The following ZNF518A variants were observed in gnomAD, a reference collection of about 807,000 sequenced individuals.
ZNF518A encodes the protein zinc finger protein 518.
In ZNF518A, 47 loss-of-function variants were observed where a neutral mutation model predicts 102.7. That is an observed-to-expected ratio of 0.46 (90% CI 0.36 to 0.58). The LOEUF is 0.58. Among genes scored for constraint, ZNF518A ranks in the 20% least tolerant of loss-of-function variants. The pLI is 0.00. For synonymous variants in ZNF518A, 652 were observed against 594.6 expected (o/e 1.10, Z -1.40); for missense variants, 1,793 against 1,699.8 (o/e 1.05, Z -0.96).
At chr10:96,131,144 TAAG>T (rs2081316717) in intron 1 of ZNF518A, among the ~76,000 whole-genome samples, 1 of 152,212 alleles carries the variant, frequency 6.6e-6, no homozygotes, top group African/African-American at 2.4e-5. Context: ...AAGGAATTCA[TAAG>T]AATGTTGGAA....
Position 96,160,602 on chromosome 10 carries a change from A to G in ZNF518A, c.4280A>G (p.Lys1427Arg), listed in dbSNP as rs1554887475. Residue 1427 changes from lysine (K) to arginine (R), a missense_variant, in exon 6 of 6, where the codon AAA becomes AGA. Physicochemically the swap from Lys to Arg is conservative, Grantham distance 26. Transcript: ENST00000316045. ...AGATTTGTGCTAAAATTAACACTCA[A>G]AAAGACAAGCAAAAACAATTACCAG... Reference protein sequence around the residue: ...KERFVLKLTLKKTSKNNYQIV... With the variant: ...KERFVLKLTLRKTSKNNYQIV... The G allele has an allele frequency of 1.2e-6, 2 of 1,612,638 alleles. No homozygotes were observed. Among genetic ancestry groups the G allele is most frequent in the South Asian group, 1.1e-5 (1 of 90,728 alleles).
intron 3 of ZNF518A, among the ~76,000 whole-genome samples, chr10:96,145,164 G>A (rs1285932604): frequency 3.3e-5 from 5 of 152,014 alleles, no homozygotes; most frequent in Admixed American, 6.6e-5. Context: ...CCACCTCCTG[G>A]GTTCAAGCGA....
chr10:96,197,338 T>C (rs2083492678), intron 1 of ZNF518A, among the ~76,000 whole-genome samples: 1 of 152,170 alleles, frequency 6.6e-6, no homozygotes. Context: ...ACAGTCTCAC[T>C]TTGTTGCCCA....
chr10:96,182,390 G>A (rs1464443948), intron 1 of ZNF518A, among the ~76,000 whole-genome samples: 2 of 152,322 alleles, frequency 1.3e-5, no homozygotes, highest in Middle Eastern at 3.4e-3. Context: ...GTGAGAAAGA[G>A]GGCATCCCTG....
intron 1 of ZNF518A, among the ~76,000 whole-genome samples, chr10:96,185,422 G>A (rs1005689952): frequency 2.0e-5 from 3 of 152,210 alleles, no homozygotes; most frequent in South Asian, 2.1e-4. Context: ...TTTCTGCTCT[G>A]GTTTCTCCCC....
At chr10:96,146,452 A>G (rs587607601) in intron 3 of ZNF518A, among the ~76,000 whole-genome samples, 3 of 152,160 alleles carry the variant, frequency 2.0e-5, no homozygotes, top group African/African-American at 7.2e-5. Context: ...AACACTAGGT[A>G]TTAGAAATAT....
chr10:96,182,088 T>C (rs2083243732), intron 1 of ZNF518A, among the ~76,000 whole-genome samples: 2 of 152,220 alleles, frequency 1.3e-5, no homozygotes, highest in African/African-American at 4.8e-5. Context: ...TATTTTCTTC[T>C]CTTTGAAGCA....
intron 1 of ZNF518A, among the ~76,000 whole-genome samples, chr10:96,176,538 G>C (rs1459806985): frequency 6.6e-6 from 1 of 152,126 alleles, no homozygotes; most frequent in Non-Finnish European, 1.5e-5. Flanking sequence ...GCTGAGATGG[G>C]AGGATCACTT....
At chr10:96,149,522 T>C (rs1554879719) in intron 3 of ZNF518A, among the ~76,000 whole-genome samples, 1 of 152,222 alleles carries the variant, frequency 6.6e-6, no homozygotes, top group Non-Finnish European at 1.5e-5. Context: ...AGCATCCAAC[T>C]ATAAGTCAAC....
At chr10:96,191,988 T>A in intron 1 of ZNF518A, 1 of 1,613,778 alleles carries the variant, frequency 6.2e-7, no homozygotes, top group Non-Finnish European at 8.5e-7. Context: ...AAACTTTAAC[T>A]GCATACTTCA....
At chr10:96,183,007 A>G (rs1235260943) in intron 1 of ZNF518A, among the ~76,000 whole-genome samples, 1 of 152,028 alleles carries the variant, frequency 6.6e-6, no homozygotes, top group Non-Finnish European at 1.5e-5. Flanking sequence ...AGAGCCTGTT[A>G]TTTGTCTATT....
intron 3 of ZNF518A, among the ~76,000 whole-genome samples, chr10:96,153,259 G>A (rs2082537512): frequency 6.6e-6 from 1 of 152,254 alleles, no homozygotes; most frequent in South Asian, 2.1e-4. Context: ...CCCCTGGCCG[G>A]TTGGATGGTG....
Position 96,130,330 on chromosome 10 carries a change from G to GT in ZNF518A, c.-868dup, listed in dbSNP as rs34537121. 2.0e-5 allele frequency among the ~76,000 whole-genome samples: 3 copies of GT among 152,312 alleles called. No individual in the cohort carries two copies. The highest frequency in any genetic ancestry group is 4.8e-5 in the African/African-American group (2 of 41,578). On this transcript the variant is annotated 5_prime_UTR_variant, in exon 1 of 6. Transcript: ENST00000316045. ...GCAAAGTTTTTCTGGAGAAGTCGGG[G>GT]TTTTTTTGCCGAGCGCTTTTGCCGA...
At chr10:96,203,994 A>G (rs1554896815) in exon 3 of ZNF518A, 1 of 1,435,314 alleles carries the variant, frequency 7.0e-7, no homozygotes, top group Non-Finnish European at 9.8e-7. Context: ...ACCCAGGCCT[A>G]TCAGACTCTA....
At chr10:96,191,027 G>A (rs1183136786) in intron 1 of ZNF518A, among the ~76,000 whole-genome samples, 1 of 152,088 alleles carries the variant, frequency 6.6e-6, no homozygotes, top group Admixed American at 6.5e-5. Flanking sequence ...GGACCTGGTG[G>A]GAGGTAACTG....
chr10:96,204,271 T>C, downstream of ZNF518A: 1 of 769,964 alleles, frequency 1.3e-6, no homozygotes, highest in Admixed American at 2.5e-5. Flanking sequence ...ACTCTTCCTT[T>C]TAGTTTTGAA....
intron 4 of ZNF518A, chr10:96,155,629 C>T (rs1554881916): frequency 2.0e-5 from 3 of 152,112 alleles, no homozygotes; most frequent in East Asian, 1.9e-4. Context: ...AAGCAGATAC[C>T]GTCTTTGGTT....
intron 1 of ZNF518A, among the ~76,000 whole-genome samples, chr10:96,169,096 A>T (rs587683978): frequency 1.1e-4 from 17 of 152,232 alleles, no homozygotes; most frequent in African/African-American, 4.1e-4. Context: ...TGGTGCAGTC[A>T]TAGCTCACTG....
chr10:96,131,318 T>C (rs1228459325), intron 1 of ZNF518A, among the ~76,000 whole-genome samples: 3 of 152,252 alleles, frequency 2.0e-5, no homozygotes, highest in African/African-American at 4.8e-5. Flanking sequence ...AAGGTTGATA[T>C]CCTCAGGTTT....
Sources: gnomAD v4.1 joint callset for allele counts (sites outside exome capture counted in the v4.1 genomes callset) on GRCh38, gnomAD v4.1.1 for gene constraint, MANE v1.5 for transcripts, NCBI Gene and HGNC (gene_info 2026-07-23, HGNC 2026-07-21) for gene names.